DYM: variants seen among roughly 807,000 people sequenced by gnomAD.
The protein encoded by DYM is dyggve-Melchior-Clausen syndrome protein.
Under a neutral mutation model 93.1 loss-of-function variants are expected in DYM, and 78 were observed. The ratio of observed to expected loss-of-function variants is 0.84; its 90% CI spans 0.70 to 1.01. The LOEUF (loss-of-function observed/expected upper bound fraction) is 1.01, where lower values mean the gene tolerates loss of function less well. Among genes scored for constraint, DYM ranks in the 50% least tolerant of loss-of-function variants. The pLI is 0.00. For missense variants in DYM, 789 were observed against 845.0 expected (o/e 0.93, Z 0.82); for synonymous variants, 321 against 319.7 (o/e 1.00, Z -0.04).
chr18:49,210,945 A>G (rs1410900475), intron 13 of DYM, among the ~76,000 whole-genome samples: 4 of 152,216 alleles, frequency 2.6e-5, no homozygotes, highest in Non-Finnish European at 5.9e-5. Flanking sequence ...CCTTGGTAGA[A>G]CAAAGTGATA....
At chr18:49,079,575 G>A (rs1009512625) in intron 17 of DYM, among the ~76,000 whole-genome samples, 2 of 151,656 alleles carry the variant, frequency 1.3e-5, no homozygotes, top group Admixed American at 1.3e-4. Flanking sequence ...TTGTGTCCCT[G>A]GGTACTTGAG....
At chr18:49,411,994 G>A (rs915934658) in intron 2 of DYM, 5 of 152,046 alleles carry the variant, frequency 3.3e-5, no homozygotes, top group African/African-American at 1.2e-4. Flanking sequence ...AATGTTTTAA[G>A]AGGACCTATT....
chr18:49,413,094 C>T (rs534831332), intron 2 of DYM: 2 of 152,276 alleles, frequency 1.3e-5, no homozygotes, highest in East Asian at 3.9e-4. Flanking sequence ...GATTACCATA[C>T]GATTTAATGC....
chr18:49,203,891 A>AC, intron 14 of DYM, among the ~76,000 whole-genome samples: 1 of 141,924 alleles, frequency 7.0e-6, no homozygotes, highest in South Asian at 2.4e-4. Flanking sequence ...AAAAAAAAAA[A>AC]AAAAAAACAA....
At chr18:49,100,080 C>T (rs1230495025) in intron 16 of DYM, among the ~76,000 whole-genome samples, 1 of 152,178 alleles carries the variant, frequency 6.6e-6, no homozygotes, top group Non-Finnish European at 1.5e-5. Context: ...AGTTGAGGAA[C>T]TCCTATCTCC....
At chr18:49,362,891 T>C (rs1449625400) in intron 6 of DYM, among the ~76,000 whole-genome samples, 1 of 152,258 alleles carries the variant, frequency 6.6e-6, no homozygotes, top group Non-Finnish European at 1.5e-5. Flanking sequence ...CAAAGATCTA[T>C]AAGATCTCTT....
At chr18:49,218,961 T>C (rs1288275457) in intron 13 of DYM, among the ~76,000 whole-genome samples, 1 of 152,066 alleles carries the variant, frequency 6.6e-6, no homozygotes, top group South Asian at 2.1e-4. Context: ...ATTAATGAAT[T>C]CAGGAGCTGG....
intron 13 of DYM, among the ~76,000 whole-genome samples, chr18:49,253,354 A>G (rs2145034084): frequency 6.6e-6 from 1 of 152,328 alleles, no homozygotes; most frequent in African/African-American, 2.4e-5. Context: ...TGCATCCCTT[A>G]TCATACTTTA....
chr18:49,301,578 C>T (rs1409532089), intron 8 of DYM, among the ~76,000 whole-genome samples: 1 of 148,430 alleles, frequency 6.7e-6, no homozygotes, highest in African/African-American at 2.5e-5. Flanking sequence ...AAGAAAGTTA[C>T]ATGTAGTAAA....
intron 16 of DYM, among the ~76,000 whole-genome samples, chr18:49,105,106 A>G (rs2080645286): frequency 6.6e-6 from 1 of 152,222 alleles, no homozygotes; most frequent in African/African-American, 2.4e-5. Context: ...TGGTCTATTC[A>G]GAGATTCAAC....
At chr18:49,174,850 A>C (rs2089204916) in intron 14 of DYM, among the ~76,000 whole-genome samples, 1 of 152,106 alleles carries the variant, frequency 6.6e-6, no homozygotes, top group African/African-American at 2.4e-5. Context: ...AGAGAGCGAG[A>C]ACTGAGGGAA....
In DYM at chr18:49,286,457, A is replaced by G. The variant is rs1312720424; in HGVS notation, c.923T>C (p.Ile308Thr). Residue 308 changes from isoleucine (I) to threonine (T), a missense_variant, in exon 9 of 18, where the codon ATT (isoleucine) becomes ACT (threonine). Ile to Thr is a moderately conservative substitution (Grantham distance 89). This residue lies in a region of DYM where 450 missense variants were observed against 436.2 expected (regional missense o/e 1.03). Transcript: ENST00000675505. ...SDAPNPYRQA[I>T]MSFKNTQDSS... ...ACCTTGTGTGTTCTTGAAGGACATA[A>G]TGGCTTGTCTGTAGGGGTTTGGCGC... The G allele has an allele frequency of 2.2e-5, 35 of 1,614,050 alleles. No individual in the cohort carries two copies. Among genetic ancestry groups the G allele is most frequent in the Non-Finnish European group, 2.9e-5 (34 of 1,180,004 alleles).
At chr18:49,218,347 GAA>G (rs2093179402) in intron 13 of DYM, among the ~76,000 whole-genome samples, 1 of 152,140 alleles carries the variant, frequency 6.6e-6, no homozygotes, top group African/African-American at 2.4e-5. Flanking sequence ...ACAGATCAAC[GAA>G]ACAGAAAGTT....
chr18:49,428,967 T>C (rs1410490703), intron 2 of DYM, among the ~76,000 whole-genome samples: 2 of 152,250 alleles, frequency 1.3e-5, no homozygotes. Context: ...ATCTTACAGT[T>C]CTGTAGGTCA....
intron 14 of DYM, among the ~76,000 whole-genome samples, chr18:49,201,705 T>C (rs569122336): frequency 2.6e-5 from 4 of 152,360 alleles, no homozygotes; most frequent in African/African-American, 7.2e-5. Flanking sequence ...TGCTCTTCTA[T>C]ATGTGAACTT....
chr18:49,095,118 AAAC>A (rs2145499911), intron 17 of DYM, among the ~76,000 whole-genome samples: 1 of 152,362 alleles, frequency 6.6e-6, no homozygotes, highest in Non-Finnish European at 1.5e-5. Context: ...ATATATTAGT[AAAC>A]TACTCCAAAG....
At chr18:49,308,555 A>G (rs892229568) in intron 8 of DYM, among the ~76,000 whole-genome samples, 1 of 152,202 alleles carries the variant, frequency 6.6e-6, no homozygotes, top group Non-Finnish European at 1.5e-5. Flanking sequence ...TTTCTCTACA[A>G]TAAAGACCAC....
chr18:49,380,291 G>A (rs56175691), intron 3 of DYM, among the ~76,000 whole-genome samples: 12,862 of 152,062 alleles, frequency 0.085, 663 homozygotes, highest in East Asian at 0.18. Context: ...TTTAAACGAT[G>A]GGCATTTCAG....
intron 17 of DYM, among the ~76,000 whole-genome samples, chr18:49,085,085 GGGT>G (rs2078388672): frequency 6.6e-6 from 1 of 152,056 alleles, no homozygotes; most frequent in African/African-American, 2.4e-5. Flanking sequence ...AAAGAAGAAG[GGGT>G]GTAGCTTTAT....
Sources: allele counts gnomAD v4.1 joint callset (sites outside exome capture counted in the v4.1 genomes callset), GRCh38; gene constraint gnomAD v4.1.1; regional missense constraint gnomAD v4.1.1; transcripts MANE v1.5; gene names NCBI Gene and HGNC (gene_info 2026-07-23, HGNC 2026-07-21).